HDAC4: variants seen among roughly 807,000 people sequenced by gnomAD.
HDAC4 encodes histone deacetylase 4.
In HDAC4, 16 loss-of-function variants were observed where a neutral mutation model predicts 135.1. That is an observed-to-expected ratio of 0.12 (90% CI 0.08 to 0.18). The LOEUF (loss-of-function observed/expected upper bound fraction) is 0.18, where lower values mean the gene tolerates loss of function less well. HDAC4 is among the 10% of genes least tolerant of loss of function. HDAC4 has a pLI of 1.00. For synonymous variants in HDAC4, 685 were observed against 653.4 expected (o/e 1.05, Z -0.74); for missense variants, 1,143 against 1,511.8 (o/e 0.76, Z 4.05).
In HDAC4 at chr2:239,309,309, T is replaced by C. The variant is rs149813487; in HGVS notation, c.22+43369A>G. On this transcript the variant is annotated intron_variant, in intron 2 of 26. Coordinates refer to ENST00000543185, the MANE Select transcript of HDAC4 (RefSeq NM_001378414.1). The surrounding 1 kb of genome is among the most constrained non-coding windows in gnomAD (Gnocchi z 4.2). ...CGAGAGATCACCACAGTGTTTCGGC[T>C]CGAGAGTCACAAAGAACGCCCAGAA... is the stretch of plus-strand genomic sequence containing the variant. The C allele has an allele frequency of 2.6e-5, 4 of 152,136 alleles. No individual in the cohort carries two copies. The highest frequency in any genetic ancestry group is 7.2e-5 in the African/African-American group (3 of 41,506). The allele number at this position is 152,136 out of a possible 1,614,324, so 9.4% of individuals were successfully genotyped here.
At chr2:239,151,243 G>A (rs1264859247) in intron 7 of HDAC4, among the ~76,000 whole-genome samples, 1 of 152,236 alleles carries the variant, frequency 6.6e-6, no homozygotes, top group South Asian at 2.1e-4. Context: ...TGAGCTGTGG[G>A]ACTTGACTAA....
chr2:239,102,716 G>C, intron 16 of HDAC4, 60 bp downstream of exon 16: 1 of 1,604,708 alleles, frequency 6.2e-7, no homozygotes, highest in Non-Finnish European at 8.5e-7. Flanking sequence ...TTGAGAGCTG[G>C]AAACACAACC....
intron 3 of HDAC4, among the ~76,000 whole-genome samples, chr2:239,202,034 T>C (rs1264547257): frequency 6.6e-6 from 1 of 152,166 alleles, no homozygotes; most frequent in Non-Finnish European, 1.5e-5. Flanking sequence ...TCCACCCCCC[T>C]GCAGGCATCT....
chr2:239,096,962 G>GA (rs1416283722), intron 16 of HDAC4, among the ~76,000 whole-genome samples: 3 of 152,292 alleles, frequency 2.0e-5, no homozygotes, highest in African/African-American at 2.4e-5. Flanking sequence ...CAGGAGGCAG[G>GA]GGGCAGCAGC....
At chr2:239,366,254 C>A (rs1293467000) in intron 1 of HDAC4, among the ~76,000 whole-genome samples, 2 of 151,330 alleles carry the variant, frequency 1.3e-5, no homozygotes, top group African/African-American at 2.4e-5. Context: ...CGGACACACA[C>A]AAACATGCAT....
At chr2:239,179,617 C>T (rs950253601) in intron 4 of HDAC4, among the ~76,000 whole-genome samples, 1 of 152,204 alleles carries the variant, frequency 6.6e-6, no homozygotes, top group Admixed American at 6.5e-5. Flanking sequence ...AAGGTCGGGA[C>T]CGATTGCCGC....
intron 3 of HDAC4, among the ~76,000 whole-genome samples, chr2:239,197,242 C>T (rs541612259): frequency 3.3e-5 from 5 of 152,300 alleles, no homozygotes; most frequent in East Asian, 1.9e-4. Flanking sequence ...GACCATCCTT[C>T]GCCTTCGGGA....
chr2:239,279,792 G>A (rs991046154), intron 2 of HDAC4, among the ~76,000 whole-genome samples: 1 of 152,208 alleles, frequency 6.6e-6, no homozygotes, highest in African/African-American at 2.4e-5. Flanking sequence ...CCCTCACCAC[G>A]AGAGTCCAGG....
intron 7 of HDAC4, among the ~76,000 whole-genome samples, chr2:239,152,069 G>A (rs922097951): frequency 6.6e-6 from 1 of 152,160 alleles, no homozygotes; most frequent in Non-Finnish European, 1.5e-5. Flanking sequence ...AAAAATACAC[G>A]GTGACTAATA....
chr2:239,107,915 T>C (rs1317059376), intron 15 of HDAC4, 135 bp downstream of exon 15: 2 of 1,091,766 alleles, frequency 1.8e-6, no homozygotes, highest in African/African-American at 1.5e-5. Flanking sequence ...GTGAAGATGC[T>C]TGTGGCCCTT....
At chr2:239,239,845 G>A (rs371336927) in intron 2 of HDAC4, among the ~76,000 whole-genome samples, 1 of 152,184 alleles carries the variant, frequency 6.6e-6, no homozygotes, top group African/African-American at 2.4e-5. Flanking sequence ...GCAGCCATGT[G>A]GAACTATCAG....
intron 7 of HDAC4, among the ~76,000 whole-genome samples, chr2:239,154,419 G>A (rs573453346): frequency 6.6e-6 from 1 of 152,246 alleles, no homozygotes; most frequent in Non-Finnish European, 1.5e-5. Context: ...GGAACGGAAG[G>A]CATTTGTTTC....
intron 7 of HDAC4, among the ~76,000 whole-genome samples, chr2:239,145,670 C>T (rs970132851): frequency 6.6e-6 from 1 of 152,226 alleles, no homozygotes; most frequent in Admixed American, 6.5e-5. Flanking sequence ...TGGCTACTTT[C>T]AAGATTCTAC....
At position 239,111,549 on chromosome 2, in the gene HDAC4, G is replaced by A; in HGVS notation, c.1955C>T (p.Pro652Leu). 1.2e-6 allele frequency: 2 copies of A among 1,612,410 alleles called. No individual in the cohort carries two copies. The highest frequency in any genetic ancestry group is 1.7e-6 in the Non-Finnish European group (2 of 1,179,762). ...ATFPVSVQEPPTKPRFTTGLV... is the reference protein window; with the variant it reads ...ATFPVSVQEPLTKPRFTTGLV... ...ACCTGTCGTGAACCTCGGCTTGGTG[G>A]GGGGCTCCTGCACAGACACGGGGAA... is the stretch of plus-strand genomic sequence containing the variant. Residue 652 changes from proline to leucine, a missense_variant, in exon 14 of 27, where the codon CCC becomes CTC. Pro to Leu is a moderately conservative substitution (Grantham distance 98). Around this residue, in one of 9 missense-constraint regions of HDAC4, gnomAD observed 196 missense variants for 210.7 expected, o/e 0.93. Transcript: ENST00000543185.
rs1437522730 is a variant in HDAC4 at position 239,126,574 on chromosome 2, G to A, written c.1415C>T (p.Ser472Leu). Residue 472 changes from serine to leucine, a missense_variant, in exon 12 of 27, where the codon TCG (serine) becomes TTG (leucine). By Grantham distance (145) the Ser-to-Leu change is moderately radical. Around this residue, in one of 9 missense-constraint regions of HDAC4, gnomAD observed 272 missense variants for 309.7 expected, o/e 0.88. Transcript: ENST00000543185. ...CTGGGCGTTCTGGGGCAGCGGGGCC[G>A]ACTGGGTCCGCCCCAGTGGGCGGTG... ...RQHRPLGRTQ[S>L]APLPQNAQAL... The A allele has an allele frequency of 1.9e-6, 3 of 1,613,864 alleles. No individual in the cohort carries two copies. The highest frequency in any genetic ancestry group is 1.7e-6 in the Non-Finnish European group (2 of 1,179,972).
chr2:239,221,514 C>T (rs1419872837), intron 3 of HDAC4, among the ~76,000 whole-genome samples: 3 of 152,136 alleles, frequency 2.0e-5, no homozygotes, highest in Non-Finnish European at 4.4e-5. Flanking sequence ...CTGGGAAGGA[C>T]GGCCCATGCC....
intron 3 of HDAC4, among the ~76,000 whole-genome samples, chr2:239,207,000 G>T (rs969867024): frequency 2.6e-5 from 4 of 152,194 alleles, no homozygotes; most frequent in African/African-American, 9.7e-5. Flanking sequence ...GGCTGGGGAT[G>T]GGAGGGAGGC....
At chr2:239,253,800 C>T (rs1186904479) in intron 2 of HDAC4, among the ~76,000 whole-genome samples, 1 of 152,168 alleles carries the variant, frequency 6.6e-6, no homozygotes, top group Non-Finnish European at 1.5e-5. Context: ...CTGCCTGTTC[C>T]TGGGGCCCAA....
At position 239,053,570 on chromosome 2, in the gene HDAC4, G is replaced by A. The variant is rs1438042875; in HGVS notation, c.3120C>T (p.Thr1040=). Residue 1040 remains threonine (T), a synonymous_variant, in exon 26 of 27, where the codon ACC becomes ACT. Coordinates refer to ENST00000543185, the MANE Select transcript of HDAC4 (RefSeq NM_001378414.1). ...CGATCAGAGAACGCCCCGCTGTGGAGGTTGTGCGCTGCAGGCAGCGCCAGT... is the reference window on the plus strand; with the variant it reads ...CGATCAGAGAACGCCCCGCTGTGGAAGTTGTGCGCTGCAGGCAGCGCCAGT... ...SKYWRCLQRT[T]STAGRSLIEA... 1.2e-6 allele frequency: 2 copies of A among 1,613,962 alleles called. No individual in the cohort carries two copies. Among genetic ancestry groups the A allele is most frequent in the Non-Finnish European group, 1.7e-6 (2 of 1,180,016 alleles).
Sources: allele counts gnomAD v4.1 joint callset (sites outside exome capture counted in the v4.1 genomes callset), GRCh38; gene constraint gnomAD v4.1.1; regional missense constraint gnomAD v4.1.1; non-coding constraint Gnocchi (gnomAD v3.1); transcripts MANE v1.5; gene names NCBI Gene and HGNC (gene_info 2026-07-23, HGNC 2026-07-21).